Variants in NBEA observed in about 807,000 individuals in gnomAD.
NBEA encodes the protein neurobeachin, also known as lysosomal-trafficking regulator 2.
In NBEA, 44 loss-of-function variants were observed where a neutral mutation model predicts 343.4. The observed-to-expected ratio is 0.13, with a 90% CI of 0.10 to 0.16. The LOEUF is 0.16. Ranked by LOEUF, NBEA falls within the 10% of genes least tolerant of loss-of-function variation. NBEA has a pLI of 1.00. For synonymous variants in NBEA, 1,175 were observed against 1,238.7 expected, an observed-to-expected ratio of 0.95 and a Z score of 1.08; for missense variants, 2,555 against 3,631.3, an observed-to-expected ratio of 0.70 and a Z score of 7.62.
At chr13:35,551,409 A>G (rs1282883014) in intron 43 of NBEA, among the ~76,000 whole-genome samples, 3 of 152,182 alleles carry the variant, frequency 2.0e-5, no homozygotes, top group Non-Finnish European at 2.9e-5. Context: ...GCCATATATA[A>G]ATGCTTCTTA....
At chr13:35,486,832 CACATTGGG>C (rs1325952302) in intron 41 of NBEA, among the ~76,000 whole-genome samples, 22 of 151,894 alleles carry the variant, frequency 1.4e-4, no homozygotes, top group African/African-American at 5.3e-4. Flanking sequence ...ATTGATCTAT[CACATTGGG>C]AGAAACTATT....
chr13:35,551,117 A>T (rs969211849), intron 43 of NBEA, 85 bp downstream of exon 43: 12 of 725,856 alleles, frequency 1.7e-5, no homozygotes, highest in Admixed American at 6.8e-5. Context: ...TGGTTATAAC[A>T]TTATAATTAT....
At chr13:35,494,679 A>ATAT (rs2076611369) in intron 41 of NBEA, among the ~76,000 whole-genome samples, 1 of 152,048 alleles carries the variant, frequency 6.6e-6, no homozygotes, top group Non-Finnish European at 1.5e-5. Context: ...AAATCCAACC[A>ATAT]TATCAATAAT....
chr13:35,223,320 A>C (rs1377583760), intron 33 of NBEA, among the ~76,000 whole-genome samples: 1 of 152,200 alleles, frequency 6.6e-6, no homozygotes, highest in Non-Finnish European at 1.5e-5. Context: ...TTCGTAGTAC[A>C]AAGTCAGCTA....
At chr13:35,152,490 A>G (rs898195366) in intron 18 of NBEA, among the ~76,000 whole-genome samples, 5 of 152,136 alleles carry the variant, frequency 3.3e-5, no homozygotes, top group Non-Finnish European at 7.4e-5. Flanking sequence ...CCATCTCAAA[A>G]AGTTGAGCCT....
chr13:35,006,293 T>C (rs1450637318), intron 1 of NBEA, among the ~76,000 whole-genome samples: 2 of 152,142 alleles, frequency 1.3e-5, no homozygotes, highest in Non-Finnish European at 2.9e-5. Context: ...TGCTATTCTT[T>C]TAGTGGTAAC....
rs147424550 is a variant in NBEA at position 35,429,505 on chromosome 13, C to T, written c.6180-2764C>T. ...TCATTGGTCTATCTGGGCTGTTGGC[C>T]TCTTTGCCTCCAAGTGTGGGATATA... On this transcript the variant is annotated intron_variant, in intron 38 of 58. Coordinates refer to ENST00000379939, the MANE Select transcript of NBEA (RefSeq NM_001385012.1). 7.2e-5 allele frequency among the ~76,000 whole-genome samples: 11 copies of T among 152,154 alleles called. No individual in the cohort carries two copies. The East Asian group carries it at 1.9e-3, about 27-fold the overall frequency.
At chr13:35,445,694 T>G (rs1241794378) in intron 39 of NBEA, among the ~76,000 whole-genome samples, 4 of 149,766 alleles carry the variant, frequency 2.7e-5, no homozygotes, top group Admixed American at 2.0e-4. Context: ...CATGTGAAAT[T>G]AAAGTCCAGT....
intron 6 of NBEA, among the ~76,000 whole-genome samples, chr13:35,054,660 T>C (rs1231377817): frequency 6.7e-6 from 1 of 150,010 alleles, no homozygotes; most frequent in African/African-American, 2.4e-5. Context: ...TTTTTTTTTT[T>C]TGAGACAAAG....
intron 23 of NBEA, 74 bp downstream of exon 23, chr13:35,162,041 A>G: frequency 1.6e-6 from 2 of 1,255,670 alleles, no homozygotes; most frequent in South Asian, 3.1e-5. Context: ...TTTGGTTTTG[A>G]CAAAACCAAA....
At chr13:34,992,751 C>T (rs1027025208) in intron 1 of NBEA, among the ~76,000 whole-genome samples, 2 of 151,718 alleles carry the variant, frequency 1.3e-5, no homozygotes, top group Non-Finnish European at 2.9e-5. Flanking sequence ...CAGCTCACTG[C>T]AAGCTCCGAC....
chr13:35,293,706 T>A (rs184559018), intron 35 of NBEA, among the ~76,000 whole-genome samples: 1 of 152,062 alleles, frequency 6.6e-6, no homozygotes, highest in Non-Finnish European at 1.5e-5. Context: ...AATAGCAGAT[T>A]TAGTTTTCAA....
chr13:34,954,946 G>A (rs1483387524), intron 1 of NBEA, among the ~76,000 whole-genome samples: 1 of 152,118 alleles, frequency 6.6e-6, no homozygotes, highest in Non-Finnish European at 1.5e-5. Flanking sequence ...TAAATACATG[G>A]TTTATATTTT....
At chr13:35,246,881 TACC>T (rs1381480864) in intron 34 of NBEA, among the ~76,000 whole-genome samples, 1 of 152,132 alleles carries the variant, frequency 6.6e-6, no homozygotes, top group African/African-American at 2.4e-5. Context: ...TGTCTTCAGC[TACC>T]AGGGTGGGTA....
At chr13:35,563,150 GA>G in intron 44 of NBEA, among the ~76,000 whole-genome samples, 1 of 107,198 alleles carries the variant, frequency 9.3e-6, no homozygotes, top group Admixed American at 9.6e-5. Context: ...TAGATAGATA[GA>G]TAGATAGATA....
At chr13:35,583,860 T>C (rs2081169242) in intron 45 of NBEA, 38 bp from the exon 46 acceptor site, 2 of 1,489,302 alleles carry the variant, frequency 1.3e-6, no homozygotes, top group Non-Finnish European at 1.8e-6. Context: ...ATATCTAATA[T>C]GACTGTATTA....
chr13:35,597,611 A>G (rs1168026106), intron 47 of NBEA, among the ~76,000 whole-genome samples: 2 of 152,172 alleles, frequency 1.3e-5, no homozygotes, highest in Admixed American at 1.3e-4. Context: ...AGTAGTCATT[A>G]ACCCTATTTT....
intron 32 of NBEA, among the ~76,000 whole-genome samples, chr13:35,209,270 A>G (rs1453026334): frequency 6.6e-6 from 1 of 152,200 alleles, no homozygotes; most frequent in East Asian, 1.9e-4. Context: ...TCTAATATAT[A>G]TTCTTTGCTA....
intron 49 of NBEA, among the ~76,000 whole-genome samples, chr13:35,632,880 C>T (rs374793798): frequency 1.2e-4 from 19 of 152,030 alleles, no homozygotes; most frequent in African/African-American, 4.3e-4. Flanking sequence ...AGGCATGAGC[C>T]ACTGTGCACG....
Sources: gnomAD v4.1 joint callset for allele counts (sites outside exome capture counted in the v4.1 genomes callset) on GRCh38, gnomAD v4.1.1 for gene constraint, MANE v1.5 for transcripts, NCBI Gene and HGNC (gene_info 2026-07-23, HGNC 2026-07-21) for gene names.